TNFSF4: variants seen among roughly 807,000 people sequenced by gnomAD.
TNFSF4 encodes the protein tumor necrosis factor ligand superfamily member 4.
TNFSF4 carries 4 observed loss-of-function variants against 7.3 expected under a neutral mutation model. The observed-to-expected ratio is 0.55, with a 90% CI of 0.27 to 1.25. The LOEUF (loss-of-function observed/expected upper bound fraction) is 1.25. Ranked by LOEUF, TNFSF4 falls within the 50% of genes most tolerant of loss-of-function variation. The pLI, the probability that TNFSF4 is intolerant of heterozygous loss-of-function variation, is 0.12. For missense variants in TNFSF4, 181 were observed against 208.8 expected (o/e 0.87, Z 0.82); for synonymous variants, 76 against 83.7 (o/e 0.91, Z 0.50).
chr1:173,343,800 T>C, the TNFSF4 span, among the ~76,000 whole-genome samples: 1 of 152,042 alleles, frequency 6.6e-6, no homozygotes, highest in African/African-American at 2.4e-5. Context: ...GGTGGATGCA[T>C]GGATAAATGA....
At chr1:173,366,847 A>C in the TNFSF4 span, among the ~76,000 whole-genome samples, 1 of 152,178 alleles carries the variant, frequency 6.6e-6, no homozygotes, top group African/African-American at 2.4e-5. Context: ...GATTGGACAC[A>C]ATTTTCTTTG....
chr1:173,294,856 A>C, the TNFSF4 span, among the ~76,000 whole-genome samples: 1 of 151,980 alleles, frequency 6.6e-6, no homozygotes, highest in Non-Finnish European at 1.5e-5. Flanking sequence ...AGTACATATG[A>C]CTGAAAAAAC....
chr1:173,303,873 A>G, the TNFSF4 span, among the ~76,000 whole-genome samples: 2 of 151,944 alleles, frequency 1.3e-5, no homozygotes, highest in Non-Finnish European at 2.9e-5. Flanking sequence ...TCAATAATAT[A>G]TAAGTAAGTC....
chr1:173,311,662 T>A, the TNFSF4 span, among the ~76,000 whole-genome samples: 1 of 151,922 alleles, frequency 6.6e-6, no homozygotes, highest in African/African-American at 2.4e-5. Context: ...GGGTAAGGTG[T>A]CCATGAGGAA....
chr1:173,259,474 A>G, the TNFSF4 span, among the ~76,000 whole-genome samples: 7 of 152,238 alleles, frequency 4.6e-5, no homozygotes, highest in African/African-American at 1.7e-4. Flanking sequence ...GCAAGGGCAC[A>G]GAACTGGGAT....
the TNFSF4 span, among the ~76,000 whole-genome samples, chr1:173,405,470 C>A: frequency 1.1e-4 from 16 of 152,218 alleles, no homozygotes; most frequent in Non-Finnish European, 2.4e-4. Context: ...GTTTACCAAT[C>A]CCTGAGCCAG....
chr1:173,204,545 G>A (rs747182788), intron 1 of TNFSF4, among the ~76,000 whole-genome samples: 2 of 152,002 alleles, frequency 1.3e-5, no homozygotes, highest in Non-Finnish European at 2.9e-5. Context: ...TATTTTATAA[G>A]GCTAAAAAAT....
chr1:173,292,991 G>A, the TNFSF4 span, among the ~76,000 whole-genome samples: 2 of 151,964 alleles, frequency 1.3e-5, no homozygotes, highest in African/African-American at 4.8e-5. Context: ...GAAATCTGAG[G>A]TGACAAAAAT....
chr1:173,258,423 TG>T, the TNFSF4 span, among the ~76,000 whole-genome samples: 1 of 151,498 alleles, frequency 6.6e-6, no homozygotes, highest in Non-Finnish European at 1.5e-5. Flanking sequence ...AGACAGTGAG[TG>T]ATTGTGCTAC....
chr1:173,429,532 GA>G, the TNFSF4 span, among the ~76,000 whole-genome samples: 1 of 152,174 alleles, frequency 6.6e-6, no homozygotes, highest in East Asian at 1.9e-4. Context: ...ATGGCTCTTG[GA>G]AACAAGAGCC....
the TNFSF4 span, among the ~76,000 whole-genome samples, chr1:173,350,807 G>A: frequency 3.3e-5 from 5 of 152,148 alleles, no homozygotes; most frequent in South Asian, 2.1e-4. Flanking sequence ...AATAACACAC[G>A]TTACTTCTAC....
chr1:173,250,669 C>G, the TNFSF4 span, among the ~76,000 whole-genome samples: 1 of 152,054 alleles, frequency 6.6e-6, no homozygotes, highest in Non-Finnish European at 1.5e-5. Flanking sequence ...CCATGTTAGC[C>G]AGGATGGTCT....
chr1:173,387,999 C>T, the TNFSF4 span, among the ~76,000 whole-genome samples: 1 of 152,296 alleles, frequency 6.6e-6, no homozygotes, highest in East Asian at 1.9e-4. Flanking sequence ...ATATATGACA[C>T]TTTACTGAAC....
chr1:173,173,566 C>T, the TNFSF4 span, among the ~76,000 whole-genome samples: 968 of 152,348 alleles, frequency 6.4e-3, 10 homozygotes, highest in African/African-American at 0.022. Context: ...GCCTGAACAT[C>T]CAAGCATTTC....
the TNFSF4 span, chr1:173,362,865 C>A: frequency 2.1e-6 from 1 of 468,200 alleles, no homozygotes; most frequent in South Asian, 1.8e-5. Context: ...ATGGCTAAGA[C>A]TTGTGGACTT....
chr1:173,370,882 G>A, the TNFSF4 span, among the ~76,000 whole-genome samples: 1 of 152,164 alleles, frequency 6.6e-6, no homozygotes, highest in Non-Finnish European at 1.5e-5. Context: ...ACCCAGTAGG[G>A]CTTGTTATCA....
the TNFSF4 span, among the ~76,000 whole-genome samples, chr1:173,266,594 T>C: frequency 6.6e-6 from 1 of 152,178 alleles, no homozygotes; most frequent in Non-Finnish European, 1.5e-5. Flanking sequence ...TTTCTTCATG[T>C]TCTCTGTGAA....
chr1:173,425,904 T>C, the TNFSF4 span, among the ~76,000 whole-genome samples: 4 of 152,208 alleles, frequency 2.6e-5, no homozygotes, highest in Admixed American at 2.0e-4. Context: ...CCCCAAAAGA[T>C]GTGAAAGTCC....
At chr1:173,290,450 G>A in the TNFSF4 span, among the ~76,000 whole-genome samples, 1 of 151,944 alleles carries the variant, frequency 6.6e-6, no homozygotes, top group East Asian at 1.9e-4. Flanking sequence ...TTCTTATGTT[G>A]GATAAAACAA....
Sources: gnomAD v4.1 joint callset for allele counts (sites outside exome capture counted in the v4.1 genomes callset) on GRCh38, gnomAD v4.1.1 for gene constraint, MANE v1.5 for transcripts, NCBI Gene and HGNC (gene_info 2026-07-23, HGNC 2026-07-21) for gene names.